The following MUC4 variants were observed in gnomAD, a reference collection of about 807,000 sequenced individuals.
MUC4 encodes mucin-4.
A neutral mutation model predicts 257.9 loss-of-function variants in MUC4; 202 were observed. That is an observed-to-expected ratio of 0.78 (90% CI 0.70 to 0.88). The LOEUF (loss-of-function observed/expected upper bound fraction) is 0.88. Among genes scored for constraint, MUC4 ranks in the 40% least tolerant of loss-of-function variants. The pLI, the probability that MUC4 is intolerant of heterozygous loss-of-function variation, is 0.00. For missense variants in MUC4, 5,976 were observed against 6,513.7 expected (o/e 0.92, Z 2.84); for synonymous variants, 2,351 against 2,757.1 (o/e 0.85, Z 4.62).
At position 195,761,000 on chromosome 3, in the gene MUC4, G is replaced by A. The variant is rs777200300; in HGVS notation, c.14732C>T (p.Ser4911Phe). ...KNSSWAEHLI[S>F]NCDGDSSCIY... ...GCATGAGCTATCTCCGTCACAGTTG[G>A]AGATCAAATGTTCAGCCCAGGAGCT... Residue 4911 changes from serine to phenylalanine, a missense_variant, in exon 16 of 25, where the codon TCC becomes TTC. Coordinates refer to ENST00000463781, the MANE Select transcript of MUC4 (RefSeq NM_018406.7). 1.2e-6 allele frequency: 2 copies of A among 1,614,206 alleles called. No homozygotes were observed. The highest frequency in any genetic ancestry group is 1.7e-6 in the Non-Finnish European group (2 of 1,180,024).
intron 4 of MUC4, among the ~76,000 whole-genome samples, chr3:195,772,791 C>A (rs535452646): frequency 3.5e-5 from 5 of 143,456 alleles, no homozygotes; most frequent in African/African-American, 1.3e-4. Flanking sequence ...GGTGTAGACA[C>A]CCCCTCTCCA....
chr3:195,752,263 C>T, intron 21 of MUC4, 110 bp downstream of exon 21: 1 of 1,040,546 alleles, frequency 9.6e-7, no homozygotes, highest in Non-Finnish European at 1.5e-6. Context: ...CCTCCTCTGG[C>T]AGTTGAATCC....
Position 195,751,010 on chromosome 3 carries a change from G to A in MUC4, c.15750C>T (p.Asn5250=). The A allele has an allele frequency of 6.2e-7, 1 of 1,614,036 alleles. No homozygotes were observed. Among genetic ancestry groups the A allele is most frequent in the Non-Finnish European group, 8.5e-7 (1 of 1,179,998 alleles). ...PRGPVIDFLN[N]QLLAAVVEAF... ...CCTCCACCACCGCGGCCAGCAGCTG[G>A]TTGTTCAGGAAGTCAATGACCGGGC... The change falls in exon 23 of 25, where the codon AAC becomes AAT. Residue 5250 remains asparagine, a synonymous_variant. Coordinates refer to ENST00000463781, the MANE Select transcript of MUC4 (RefSeq NM_018406.7).
rs1560289991 is a variant in MUC4, at chr3:195,777,898, A to ATACCTTCCACG, written c.12943+404_12943+405insCGTGGAAGGTA. Among the ~76,000 whole-genome samples, 4 of 25,850 alleles carry ATACCTTCCACG rather than the reference A, an allele frequency of 1.5e-4. 1 individual carries two copies. Among genetic ancestry groups the ATACCTTCCACG allele is most frequent in the South Asian group, 1.3e-3 (1 of 744 alleles). 17.0% of individuals were successfully genotyped at this position (25,850 alleles called of 152,430 possible). A position where few individuals can be genotyped will look rare whatever the true frequency, so the allele number is the denominator to read the frequency against. On this transcript the variant is annotated intron_variant, in intron 3 of 24. Coordinates refer to ENST00000463781, the MANE Select transcript of MUC4 (RefSeq NM_018406.7). ...TACCTTCCACACCCATACCTTCCAC[A>ATACCTTCCACG]GCCATACCTTCCACACCCATACCTT... is the stretch of plus-strand genomic sequence containing the variant.
intron 6 of MUC4, 62 bp from the exon 7 acceptor site, chr3:195,769,214 T>C (rs1722268963): frequency 6.3e-7 from 1 of 1,590,294 alleles, no homozygotes; most frequent in South Asian, 1.1e-5. Flanking sequence ...TCCTCTCTTA[T>C]GTCCCCCCGC....
Position 195,771,821 on chromosome 3 carries a change from G to A in MUC4, c.13078-5C>T, listed in dbSNP as rs762842229. 2.3e-5 allele frequency: 37 copies of A among 1,613,032 alleles called. No homozygotes were observed. The highest frequency in any genetic ancestry group is 3.1e-5 in the Non-Finnish European group (37 of 1,179,310). ...GATCTGGCCATTGTCTGTGAACTGA[G>A]CACATGGGTTTTGTGGTCAGCATTC... is the stretch of plus-strand genomic sequence containing the variant. On this transcript the variant is annotated splice_region_variant and splice_polypyrimidine_tract_variant and intron_variant, in intron 4 of 24. Transcript: ENST00000463781.
chr3:195,748,484 A>C lies in MUC4; in HGVS notation c.16034+418T>G, dbSNP rs556081237. On this transcript the variant is annotated intron_variant, in intron 24 of 24. Coordinates refer to ENST00000463781, the MANE Select transcript of MUC4 (RefSeq NM_018406.7). Reference sequence around the variant, plus strand: ...GAGGCTGAGGCAGGAGAATCGCTTGAACGCGGGAGAAGGACGTTGCAGTGA... The same window carrying C: ...GAGGCTGAGGCAGGAGAATCGCTTGCACGCGGGAGAAGGACGTTGCAGTGA... 8.8e-4 allele frequency among the ~76,000 whole-genome samples: 134 copies of C among 152,382 alleles called. 1 individual carries two copies. Among genetic ancestry groups the C allele is most frequent in the Non-Finnish European group, 1.7e-3 (115 of 68,040 alleles).
intron 1 of MUC4, among the ~76,000 whole-genome samples, chr3:195,798,316 C>T (rs901816665): frequency 3.9e-5 from 6 of 152,146 alleles, no homozygotes; most frequent in Non-Finnish European, 5.9e-5. Flanking sequence ...ATACTGGTTA[C>T]GTGCATTTGG....
rs763096772 is a variant in MUC4, at chr3:195,753,050, C to G, written c.15508+1G>C. On this transcript the variant is annotated splice_donor_variant, in intron 20 of 24. Transcript: ENST00000463781. LOFTEE classifies it high-confidence loss of function. ...TGAGAGGGCGGGGTCTCTGGCGGTACCTAGGTTGACAGTTGGACTGAAGTT... is the reference window on the plus strand; with the variant it reads ...TGAGAGGGCGGGGTCTCTGGCGGTAGCTAGGTTGACAGTTGGACTGAAGTT... 16 of 1,605,232 alleles carry G rather than the reference C, an allele frequency of 1.0e-5. No individual in the cohort carries two copies. Among genetic ancestry groups the G allele is most frequent in the Non-Finnish European group, 1.4e-5 (16 of 1,175,570 alleles).
chr3:195,765,196 T>A, intron 9 of MUC4, 74 bp from the exon 10 acceptor site: 3 of 1,587,034 alleles, frequency 1.9e-6, no homozygotes. Context: ...CAGGGGCTGT[T>A]TCTGGGGAGA....
chr3:195,782,148 T>A lies in MUC4; in HGVS notation c.9432A>T (p.Ser3144=). The change falls in exon 2 of 25, where the codon TCA becomes TCT. Residue 3144 remains serine (S), a synonymous_variant. Coordinates refer to ENST00000463781, the MANE Select transcript of MUC4 (RefSeq NM_018406.7). The part of the protein sequence containing the change: ...ATALPVTSTS[S]ASTGDTTPLP... ...GAGGGGTGGTGTCACCTGTGGATGC[T>A]GAGGAAGTGCTGGTGACAGGAAGAG... is the stretch of plus-strand genomic sequence containing the variant. The A allele has an allele frequency of 1.5e-6, 2 of 1,356,014 alleles. No individual in the cohort carries two copies. Among genetic ancestry groups the A allele is most frequent in the African/African-American group, 3.0e-5 (2 of 66,640 alleles). 84.0% of individuals were successfully genotyped at this position (1,356,014 alleles called of 1,614,324 possible).
In MUC4 at chr3:195,783,114, A is replaced by C; in HGVS notation, c.8466T>G (p.Ala2822=). ...TGGCATGACCTGTGAACACTGAGGA[A>C]GCGTCGGTGACAGGAAGAGAGGTGG... is the stretch of plus-strand genomic sequence containing the variant. ...GHATSLPVTD[A]SSVFTGHATS... Residue 2822 remains alanine, a synonymous_variant, in exon 2 of 25, where the codon GCT becomes GCG. Coordinates refer to ENST00000463781, the MANE Select transcript of MUC4 (RefSeq NM_018406.7). 1.6e-6 allele frequency: 2 copies of C among 1,232,624 alleles called. No individual in the cohort carries two copies. Among genetic ancestry groups the C allele is most frequent in the East Asian group, 3.7e-5 (1 of 27,396 alleles). The allele number at this position is 1,232,624 out of a possible 1,614,324, so 76.4% of individuals were successfully genotyped here. A position where few individuals can be genotyped will look rare whatever the true frequency, so the allele number is the denominator to read the frequency against.
In MUC4 at chr3:195,753,055, G is replaced by A; in HGVS notation, c.15504C>T (p.Asn5168=). Residue 5168 remains asparagine, a synonymous_variant, in exon 20 of 25, where the codon AAC becomes AAT. Transcript: ENST00000463781. ...LAGNNFSPTV[N]LELPLRVIQL... ...GGGCGGGGTCTCTGGCGGTACCTAG[G>A]TTGACAGTTGGACTGAAGTTGTTCC... is the stretch of plus-strand genomic sequence containing the variant. The A allele has an allele frequency of 6.2e-7, 1 of 1,611,676 alleles. No individual in the cohort carries two copies.
At chr3:195,770,574 A>C (rs1291928482) in intron 5 of MUC4, 1 of 617,474 alleles carries the variant, frequency 1.6e-6, no homozygotes, top group Non-Finnish European at 2.8e-6. Context: ...TGCAGTGTGC[A>C]GAATGCAGGG....
intron 1 of MUC4, among the ~76,000 whole-genome samples, chr3:195,804,185 T>C (rs1735693825): frequency 6.6e-6 from 1 of 152,204 alleles, no homozygotes; most frequent in South Asian, 2.1e-4. Flanking sequence ...GAAGGCTCTG[T>C]CAAGCCTCTG....
At chr3:195,774,347 G>T (rs541280612) in intron 3 of MUC4, 42 bp from the exon 4 acceptor site, 1 of 1,485,766 alleles carries the variant, frequency 6.7e-7, no homozygotes, top group Admixed American at 2.5e-5. Flanking sequence ...AAGTGGGCCT[G>T]GGCCTTCTTT....
Position 195,788,683 on chromosome 3 carries a change from A to G in MUC4, c.2897T>C (p.Phe966Ser). The G allele has an allele frequency of 6.3e-7, 1 of 1,598,838 alleles. No individual in the cohort carries two copies. The highest frequency in any genetic ancestry group is 8.5e-7 in the Non-Finnish European group (1 of 1,178,038). ...TLSPSGSGKT[F>S]TTALISNATP... ...GGCGTTGCTGATGAGGGCCGTGGTG[A>G]AGGTTTTACCAGACCCTGAAGGTGA... Residue 966 changes from phenylalanine to serine, a missense_variant, in exon 2 of 25, where the codon TTC (phenylalanine) becomes TCC (serine). This residue lies in a region of MUC4 where 1,583 missense variants were observed against 1,257.4 expected (regional missense o/e 1.26). Coordinates refer to ENST00000463781, the MANE Select transcript of MUC4 (RefSeq NM_018406.7).
At position 195,786,452 on chromosome 3, in the gene MUC4, C is replaced by G; in HGVS notation, c.5128G>C (p.Ala1710Pro). The G allele has an allele frequency of 4.6e-6, 7 of 1,514,168 alleles. No individual in the cohort carries two copies. Among genetic ancestry groups the G allele is most frequent in the Non-Finnish European group, 5.3e-6 (6 of 1,128,636 alleles). The allele number at this position is 1,514,168 out of a possible 1,614,324, so 93.8% of individuals were successfully genotyped here. ...AGGCTGGTGACAGGAAGAGGGGTGG[C>G]CTGACCTGTGGATGCCGAGGAAACG... ...TDVSSASTGQ[A>P]TPLPVTSLSS... The change falls in exon 2 of 25, where the codon GCC (alanine) becomes CCC (proline). Residue 1710 changes from alanine to proline, a missense_variant. Transcript: ENST00000463781.
rs534762971 is a variant in MUC4 at position 195,786,237 on chromosome 3, G to T, written c.5343C>A (p.Gly1781=). The T allele has an allele frequency of 2.1e-5, 31 of 1,482,438 alleles. 1 individual carries two copies. The Middle Eastern group carries it at 1.6e-3, about 76-fold the overall frequency. 91.8% of individuals were successfully genotyped at this position (1,482,438 alleles called of 1,614,324 possible). A position where few individuals can be genotyped will look rare whatever the true frequency, so the allele number is the denominator to read the frequency against. The change falls in exon 2 of 25, where the codon GGC becomes GGA. Residue 1781 remains glycine (G), a synonymous_variant. Transcript: ENST00000463781. Reference sequence around the variant, plus strand: ...TGTCATCTGTGGAAGCTGAAGAAAGGCCGGTGACAGGAAGTGGGGTGGCGT... The same window carrying T: ...TGTCATCTGTGGAAGCTGAAGAAAGTCCGGTGACAGGAAGTGGGGTGGCGT... ...TAHATPLPVT[G]LSSASTDDTT...
Sources: gnomAD v4.1 joint callset for allele counts (sites outside exome capture counted in the v4.1 genomes callset) on GRCh38, gnomAD v4.1.1 for gene constraint, gnomAD v4.1.1 regional missense constraint, MANE v1.5 for transcripts, NCBI Gene and HGNC (gene_info 2026-07-23, HGNC 2026-07-21) for gene names.